The following SLC30A9 variants were observed in gnomAD, a reference collection of about 807,000 sequenced individuals.
SLC30A9 encodes solute carrier family 30 member 9.
A neutral mutation model predicts 87.5 loss-of-function variants in SLC30A9; 58 were observed. That is an observed-to-expected ratio of 0.66 (90% confidence interval 0.54 to 0.82). The LOEUF (loss-of-function observed/expected upper bound fraction) is 0.82. SLC30A9 is among the 40% of genes least tolerant of loss of function. SLC30A9 has a pLI of 0.00. For missense variants in SLC30A9, 557 were observed against 679.1 expected (o/e 0.82, Z 2.00); for synonymous variants, 234 against 233.0 (o/e 1.00, Z -0.04).
chr4:42,053,692 C>A (rs1717477104), intron 9 of SLC30A9, among the ~76,000 whole-genome samples: 1 of 59,848 alleles, frequency 1.7e-5, no homozygotes, highest in African/African-American at 1.4e-4. Flanking sequence ...GTGACTCGGT[C>A]TCCAAAAAAA....
At chr4:42,047,447 A>T (rs188131965) in intron 8 of SLC30A9, among the ~76,000 whole-genome samples, 1 of 152,366 alleles carries the variant, frequency 6.6e-6, no homozygotes. Flanking sequence ...TCAAAAGAAG[A>T]TATTTATGCA....
intron 1 of SLC30A9, among the ~76,000 whole-genome samples, chr4:41,992,052 G>A (rs1477534735): frequency 6.6e-6 from 1 of 152,014 alleles, no homozygotes; most frequent in Non-Finnish European, 1.5e-5. Flanking sequence ...ATGAATCATC[G>A]GCTGGGTGCA....
At chr4:41,992,785 T>C (rs1714510580) in intron 1 of SLC30A9, among the ~76,000 whole-genome samples, 2 of 152,208 alleles carry the variant, frequency 1.3e-5, no homozygotes, top group African/African-American at 4.8e-5. Flanking sequence ...AGGGCAACCA[T>C]TATTATGGCA....
At chr4:42,045,765 C>CA (rs201317101) in intron 8 of SLC30A9, among the ~76,000 whole-genome samples, 3 of 150,416 alleles carry the variant, frequency 2.0e-5, no homozygotes, top group African/African-American at 7.3e-5. Flanking sequence ...CAGAGACACA[C>CA]AAAAAAAAGA....
chr4:42,048,744 T>C (rs1401385460), intron 8 of SLC30A9, among the ~76,000 whole-genome samples: 1 of 152,172 alleles, frequency 6.6e-6, no homozygotes, highest in Non-Finnish European at 1.5e-5. Context: ...TCTGCTTTTA[T>C]CTACCTAAAA....
chr4:42,047,683 G>A lies in SLC30A9; in HGVS notation c.738-1694G>A, dbSNP rs568160006. 8.9e-4 allele frequency among the ~76,000 whole-genome samples: 135 copies of A among 152,296 alleles called. 1 individual carries two copies. In the South Asian group the frequency reaches 0.027, roughly 31 times the overall value. ...GAAGACAGTGTGGCGATTCCTCCAGGATCTAGAACCGGAAATACCATTTGA... is the reference window on the plus strand; with the variant it reads ...GAAGACAGTGTGGCGATTCCTCCAGAATCTAGAACCGGAAATACCATTTGA... On this transcript the variant is annotated intron_variant, in intron 8 of 17. Transcript: ENST00000264451.
At chr4:42,008,891 TG>T (rs1197344642) in intron 2 of SLC30A9, among the ~76,000 whole-genome samples, 1 of 152,212 alleles carries the variant, frequency 6.6e-6, no homozygotes, top group African/African-American at 2.4e-5. Flanking sequence ...CTTTCTTTTG[TG>T]GTGATGGAGA....
intron 3 of SLC30A9, chr4:42,018,639 A>G (rs192796338): frequency 1.9e-3 from 455 of 236,626 alleles, no homozygotes; most frequent in Admixed American, 3.6e-3. Context: ...CAGCAACTCT[A>G]TGATTAACAG....
intron 1 of SLC30A9, among the ~76,000 whole-genome samples, chr4:41,992,668 T>C (rs936799287): frequency 6.6e-6 from 1 of 152,224 alleles, no homozygotes; most frequent in Non-Finnish European, 1.5e-5. Context: ...GTTTGGAATG[T>C]TTATTACTAC....
At chr4:42,058,142 C>T (rs540567077) in intron 9 of SLC30A9, among the ~76,000 whole-genome samples, 1 of 151,462 alleles carries the variant, frequency 6.6e-6, no homozygotes, top group East Asian at 1.9e-4. Flanking sequence ...TTAATAGCAC[C>T]CAAATCACCT....
Position 42,086,129 on chromosome 4 carries a change from T to C in SLC30A9, c.*3T>C. 6.6e-7 allele frequency: 1 copy of C among 1,513,610 alleles called. No individual in the cohort carries two copies. The highest frequency in any genetic ancestry group is 2.4e-5 in the East Asian group (1 of 41,502). The allele number at this position is 1,513,610 out of a possible 1,614,324, so 93.8% of individuals were successfully genotyped here. A position where few individuals can be genotyped will look rare whatever the true frequency, so the allele number is the denominator to read the frequency against. On this transcript the variant is annotated 3_prime_UTR_variant, in exon 18 of 18. Coordinates refer to ENST00000264451, the MANE Select transcript of SLC30A9 (RefSeq NM_006345.4). ...ATGTAGATTTGGAGATACTGTGAGT[T>C]TGATGGAATGAATCACCTGGGTGGG...
At chr4:42,020,049 C>T (rs1181171259) in intron 3 of SLC30A9, among the ~76,000 whole-genome samples, 1 of 152,132 alleles carries the variant, frequency 6.6e-6, no homozygotes, top group Non-Finnish European at 1.5e-5. Flanking sequence ...ATCCACCTGC[C>T]TTGGCCTCCC....
intron 8 of SLC30A9, among the ~76,000 whole-genome samples, chr4:42,045,842 A>G (rs932600121): frequency 6.6e-6 from 1 of 152,226 alleles, no homozygotes; most frequent in South Asian, 2.1e-4. Flanking sequence ...TGGCAAAGCA[A>G]ATCCAGCAGC....
At chr4:41,998,776 C>T (rs922126252) in intron 1 of SLC30A9, among the ~76,000 whole-genome samples, 5 of 152,070 alleles carry the variant, frequency 3.3e-5, no homozygotes, top group Non-Finnish European at 5.9e-5. Context: ...TTCAGTAATT[C>T]TTTAACCAGT....
intron 4 of SLC30A9, among the ~76,000 whole-genome samples, chr4:42,021,880 A>C: frequency 6.7e-6 from 1 of 150,266 alleles, no homozygotes; most frequent in Non-Finnish European, 1.5e-5. Flanking sequence ...CCTCCTGAGT[A>C]ACTGGGACTA....
intron 9 of SLC30A9, among the ~76,000 whole-genome samples, chr4:42,054,139 G>C (rs1450579881): frequency 2.0e-5 from 3 of 152,124 alleles, no homozygotes; most frequent in Non-Finnish European, 4.4e-5. Context: ...CGGATCACTG[G>C]AGGTCAGGAG....
chr4:42,049,945 C>G (rs1717321600), intron 9 of SLC30A9, among the ~76,000 whole-genome samples: 1 of 152,002 alleles, frequency 6.6e-6, no homozygotes, highest in African/African-American at 2.4e-5. Context: ...AACTAGAAAC[C>G]CAAAACTTTT....
intron 2 of SLC30A9, among the ~76,000 whole-genome samples, 179 bp downstream of exon 2, chr4:42,001,959 C>T (rs1372940446): frequency 6.6e-6 from 1 of 151,932 alleles, no homozygotes; most frequent in Non-Finnish European, 1.5e-5. Context: ...CTTTTTGACT[C>T]AGTTTTCTAC....
At chr4:42,053,957 G>A (rs865950520) in intron 9 of SLC30A9, among the ~76,000 whole-genome samples, 2 of 152,222 alleles carry the variant, frequency 1.3e-5, no homozygotes, top group African/African-American at 2.4e-5. Flanking sequence ...GTCTGATGTC[G>A]GGGAGGAAAG....
Sources: gnomAD v4.1 joint callset for allele counts (sites outside exome capture counted in the v4.1 genomes callset) on GRCh38, gnomAD v4.1.1 for gene constraint, MANE v1.5 for transcripts, NCBI Gene and HGNC (gene_info 2026-07-23, HGNC 2026-07-21) for gene names.